The following SND1 variants were observed in gnomAD, a reference collection of about 807,000 sequenced individuals.
SND1 encodes the protein staphylococcal nuclease and tudor domain containing 1, also known as staphylococcal nuclease domain-containing protein 1.
A neutral mutation model predicts 121.7 loss-of-function variants in SND1; 38 were observed. That is an observed-to-expected ratio of 0.31 (90% CI 0.24 to 0.41). The LOEUF (loss-of-function observed/expected upper bound fraction) is 0.41, where lower values mean the gene tolerates loss of function less well. SND1 is among the 10% of genes least tolerant of loss of function. SND1 has a pLI of 1.00. For synonymous variants in SND1, 401 were observed against 447.4 expected (o/e 0.90, Z 1.31); for missense variants, 868 against 1,184.6 (o/e 0.73, Z 3.92).
At chr7:128,004,572 G>A (rs1420844472) in intron 16 of SND1, among the ~76,000 whole-genome samples, 1 of 152,216 alleles carries the variant, frequency 6.6e-6, no homozygotes, top group Non-Finnish European at 1.5e-5. Context: ...CTGGACATGA[G>A]TAGAGTACTG....
chr7:127,970,445 T>C (rs1471618836), intron 15 of SND1, among the ~76,000 whole-genome samples: 1 of 152,332 alleles, frequency 6.6e-6, no homozygotes, highest in Non-Finnish European at 1.5e-5. Context: ...AGCTATAACA[T>C]TTTGTGATTC....
At chr7:127,725,040 C>T (rs1796558019) in intron 10 of SND1, among the ~76,000 whole-genome samples, 1 of 152,076 alleles carries the variant, frequency 6.6e-6, no homozygotes, top group African/African-American at 2.4e-5. Context: ...AAAAGAATTC[C>T]CCAGAGCTCT....
intron 16 of SND1, among the ~76,000 whole-genome samples, chr7:128,004,103 C>G (rs1176481021): frequency 6.6e-6 from 1 of 150,570 alleles, no homozygotes; most frequent in Non-Finnish European, 1.5e-5. Flanking sequence ...GATGGGTAGA[C>G]TGGCTAACTG....
rs143551797 is a variant in SND1 at position 127,850,033 on chromosome 7, A to C, written c.1343+5609A>C. Among the ~76,000 whole-genome samples, 266 of 152,322 alleles carry C rather than the reference A, an allele frequency of 1.7e-3. 1 individual carries two copies. Among genetic ancestry groups the C allele is most frequent in the African/African-American group, 6.2e-3 (256 of 41,574 alleles). On this transcript the variant is annotated intron_variant, in intron 12 of 23. Coordinates refer to ENST00000354725, the MANE Select transcript of SND1 (RefSeq NM_014390.4). ...ATGTATTTGTATGAACCAGACTATTAAATTTGCAAAGAATAAGACTGCCTT... is the reference window on the plus strand; with the variant it reads ...ATGTATTTGTATGAACCAGACTATTCAATTTGCAAAGAATAAGACTGCCTT...
intron 15 of SND1, among the ~76,000 whole-genome samples, chr7:127,938,741 C>T (rs1010296985): frequency 4.6e-5 from 7 of 152,242 alleles, no homozygotes; most frequent in Non-Finnish European, 8.8e-5. Context: ...ACCTTCAGCT[C>T]TCCGTCTATG....
chr7:127,720,507 A>T (rs1027338753), intron 9 of SND1, among the ~76,000 whole-genome samples: 3 of 152,222 alleles, frequency 2.0e-5, no homozygotes, highest in Admixed American at 6.5e-5. Flanking sequence ...GTTTGAATGG[A>T]GTTTTATTCT....
In SND1 at chr7:128,078,044, G is replaced by A. The variant is rs539609967; in HGVS notation, c.1969-3316G>A. ...GAGCTGTGAGGGGCTGAGGATGGCTGTGGAAAGTGGCTGGGTCTGGCAGGT... is the reference window on the plus strand; with the variant it reads ...GAGCTGTGAGGGGCTGAGGATGGCTATGGAAAGTGGCTGGGTCTGGCAGGT... On this transcript the variant is annotated intron_variant, in intron 17 of 23. Coordinates refer to ENST00000354725, the MANE Select transcript of SND1 (RefSeq NM_014390.4). 7.2e-5 allele frequency among the ~76,000 whole-genome samples: 11 copies of A among 152,350 alleles called. No individual in the cohort carries two copies. The South Asian group carries it at 1.9e-3, about 26-fold the overall frequency.
rs562467426 is a variant in SND1, at chr7:127,924,853, T to C, written c.1528-4335T>C. Among the ~76,000 whole-genome samples, 9 of 152,318 alleles carry C rather than the reference T, an allele frequency of 5.9e-5. 1 individual carries two copies. In the South Asian group the frequency reaches 1.9e-3, roughly 32 times the overall value. On this transcript the variant is annotated intron_variant, in intron 14 of 23. Coordinates refer to ENST00000354725, the MANE Select transcript of SND1 (RefSeq NM_014390.4). ...GAAGGGGATATCTTATAGCCATAGA[T>C]AGATGTACCCACATTTGGAAGAGAT...
intron 16 of SND1, among the ~76,000 whole-genome samples, chr7:128,066,186 C>T (rs185851740): frequency 1.5e-3 from 231 of 152,314 alleles, no homozygotes; most frequent in Non-Finnish European, 2.5e-3. Flanking sequence ...CCTACCCCTA[C>T]CATCCCACCC....
chr7:127,911,719 C>G (rs1800459526), intron 14 of SND1, among the ~76,000 whole-genome samples: 1 of 152,136 alleles, frequency 6.6e-6, no homozygotes, highest in South Asian at 2.1e-4. Context: ...TCAGGCTGGT[C>G]TTGAACTCCT....
intron 15 of SND1, among the ~76,000 whole-genome samples, chr7:127,953,258 T>C (rs371572246): frequency 4.8e-5 from 7 of 147,088 alleles, no homozygotes; most frequent in African/African-American, 1.8e-4. Context: ...AATAGGGTGT[T>C]TGATTCCTCG....
chr7:127,959,269 C>T (rs1257981580), intron 15 of SND1, among the ~76,000 whole-genome samples: 1 of 152,204 alleles, frequency 6.6e-6, no homozygotes, highest in African/African-American at 2.4e-5. Flanking sequence ...AGATCCCTAT[C>T]ATCATGGCTA....
intron 16 of SND1, among the ~76,000 whole-genome samples, chr7:128,044,590 A>C (rs936876943): frequency 2.6e-5 from 4 of 151,854 alleles, no homozygotes; most frequent in Non-Finnish European, 5.9e-5. Context: ...TGTTTAAAAT[A>C]AAAAAGGAGC....
chr7:127,911,991 C>A (rs985886156), intron 14 of SND1, among the ~76,000 whole-genome samples: 1 of 151,394 alleles, frequency 6.6e-6, no homozygotes, highest in African/African-American at 2.4e-5. Context: ...TCTTTTATTT[C>A]TTTTTTAAGA....
At chr7:127,984,092 G>A (rs984722430) in intron 15 of SND1, among the ~76,000 whole-genome samples, 2 of 152,158 alleles carry the variant, frequency 1.3e-5, no homozygotes, top group Admixed American at 6.5e-5. Context: ...CCACGCCCCT[G>A]AGTCATTTTC....
intron 11 of SND1, among the ~76,000 whole-genome samples, chr7:127,829,546 T>A (rs899078269): frequency 1.3e-5 from 2 of 152,218 alleles, no homozygotes; most frequent in African/African-American, 4.8e-5. Context: ...CTGACTGCTC[T>A]CAACTGATTC....
rs1792531779 is a variant in SND1 at position 128,029,975 on chromosome 7, C to T, written c.1779+38919C>T. ...GGAAGTGGTTCCCTGACATCTCCAG[C>T]TCCTCCAGCCCCACCAGGGGGGTGA... On this transcript the variant is annotated intron_variant, in intron 16 of 23. Coordinates refer to ENST00000354725, the MANE Select transcript of SND1 (RefSeq NM_014390.4). The surrounding 1 kb of genome is among the most constrained non-coding windows in gnomAD (Gnocchi z 4.2). 2.5e-6 allele frequency: 4 copies of T among 1,613,162 alleles called. No homozygotes were observed. The highest frequency in any genetic ancestry group is 3.4e-6 in the Non-Finnish European group (4 of 1,180,022).
intron 10 of SND1, among the ~76,000 whole-genome samples, chr7:127,724,504 A>G (rs1796550479): frequency 6.6e-6 from 1 of 152,194 alleles, no homozygotes; most frequent in Non-Finnish European, 1.5e-5. Flanking sequence ...ATACTCAGGA[A>G]GGGAGAGAGA....
chr7:127,657,137 AT>A (rs1263902209), intron 1 of SND1, among the ~76,000 whole-genome samples: 7 of 152,242 alleles, frequency 4.6e-5, no homozygotes, highest in Admixed American at 6.5e-5. Flanking sequence ...TCTTGAACAA[AT>A]ATTTATTGAT....
Sources: gnomAD v4.1 joint callset for allele counts (sites outside exome capture counted in the v4.1 genomes callset) on GRCh38, gnomAD v4.1.1 for gene constraint, Gnocchi (gnomAD v3.1) non-coding constraint, MANE v1.5 for transcripts, NCBI Gene and HGNC (gene_info 2026-07-23, HGNC 2026-07-21) for gene names.